The following DNAH11 variants were observed in gnomAD, a reference collection of about 807,000 sequenced individuals.
DNAH11 encodes the protein axonemal beta dynein heavy chain 11.
In DNAH11, 442 loss-of-function variants were observed where a neutral mutation model predicts 526.0. The observed-to-expected ratio is 0.84, with a 90% CI of 0.78 to 0.91. DNAH11 has a LOEUF of 0.91. Among genes scored for constraint, DNAH11 ranks in the 40% least tolerant of loss-of-function variants. The probability of loss-of-function intolerance (pLI) is 0.00; values close to 1 mark genes in which losing one functional copy is unlikely to be tolerated. For synonymous variants in DNAH11, 2,461 were observed against 1,935.9 expected, an observed-to-expected ratio of 1.27 and a Z score of -7.12; for missense variants, 6,989 against 5,448.7, an observed-to-expected ratio of 1.28 and a Z score of -8.90.
In DNAH11 at chr7:21,748,534, G is replaced by A. The variant is rs573700908; in HGVS notation, c.8511-46G>A. The A allele has an allele frequency of 5.3e-5, 75 of 1,421,770 alleles. 1 individual carries two copies. In the South Asian group the frequency reaches 5.9e-4, roughly 11 times the overall value. The allele number at this position is 1,421,770 out of a possible 1,614,324, so 88.1% of individuals were successfully genotyped here. A position where few individuals can be genotyped will look rare whatever the true frequency, so the allele number is the denominator to read the frequency against. The stretch of plus-strand genomic sequence containing the variant: ...AAATAAACAGAACAGACATAGTCCC[G>A]GGGCATTTTCGATTTTGTGCCATAA... On this transcript the variant is annotated intron_variant, in intron 51 of 81. Coordinates refer to ENST00000409508, the MANE Select transcript of DNAH11 (RefSeq NM_001277115.2).
Position 21,901,081 on chromosome 7 carries a change from ATCT to A in DNAH11, c.13380_13382del (p.Phe4461del). The A allele has an allele frequency of 1.2e-6, 2 of 1,613,876 alleles. No homozygotes were observed. Among genetic ancestry groups the A allele is most frequent in the Non-Finnish European group, 1.7e-6 (2 of 1,179,782 alleles). On this transcript the variant is annotated inframe_deletion, in exon 82 of 82. Coordinates refer to ENST00000409508, the MANE Select transcript of DNAH11 (RefSeq NM_001277115.2). Reference sequence around the variant, plus strand: ...GGAGCTGGCATGCCCTATGCCGGTCATCTTTGCAAAAGCCACCCCCGTGGACAG... The same window carrying A: ...GGAGCTGGCATGCCCTATGCCGGTCATTGCAAAAGCCACCCCCGTGGACAG...
intron 52 of DNAH11, 49 bp downstream of exon 52, chr7:21,748,791 A>T: frequency 2.6e-6 from 4 of 1,561,610 alleles, no homozygotes; most frequent in Non-Finnish European, 3.5e-6. Flanking sequence ...CTTGGCAGAT[A>T]AAGCCGAGGC....
At chr7:21,749,469 C>T (rs1457618272) in intron 52 of DNAH11, among the ~76,000 whole-genome samples, 1 of 152,124 alleles carries the variant, frequency 6.6e-6, no homozygotes, top group Non-Finnish European at 1.5e-5. Flanking sequence ...AGAAACACGA[C>T]ACTCAACCTT....
At chr7:21,880,653 T>G in intron 74 of DNAH11, 49 bp from the exon 75 acceptor site, 1 of 1,603,128 alleles carries the variant, frequency 6.2e-7, no homozygotes, top group South Asian at 1.1e-5. Flanking sequence ...CCCTTGCTCT[T>G]GGAAACCATA....
intron 50 of DNAH11, 60 bp from the exon 51 acceptor site, chr7:21,744,810 C>A: frequency 6.5e-7 from 1 of 1,543,842 alleles, no homozygotes; most frequent in Admixed American, 2.2e-5. Context: ...GCCATGCTGC[C>A]TGCAGCTGGA....
intron 61 of DNAH11, among the ~76,000 whole-genome samples, chr7:21,800,696 C>G (rs921121345): frequency 1.2e-4 from 19 of 152,134 alleles, no homozygotes; most frequent in Non-Finnish European, 2.2e-4. Context: ...ATTAACACCC[C>G]TCTTCACTGC....
intron 31 of DNAH11, among the ~76,000 whole-genome samples, chr7:21,683,246 A>AT (rs1443115520): frequency 6.6e-6 from 1 of 152,192 alleles, no homozygotes; most frequent in Admixed American, 6.5e-5. Flanking sequence ...AGAGACAGGG[A>AT]TTTTTAACTG....
At chr7:21,779,492 G>T (rs1270123438) in intron 57 of DNAH11, among the ~76,000 whole-genome samples, 1 of 152,142 alleles carries the variant, frequency 6.6e-6, no homozygotes, top group African/African-American at 2.4e-5. Flanking sequence ...CCGTCACTTT[G>T]CAAGATGGTT....
chr7:21,670,168 A>G (rs1782588262), intron 30 of DNAH11, among the ~76,000 whole-genome samples: 1 of 152,112 alleles, frequency 6.6e-6, no homozygotes, highest in African/African-American at 2.4e-5. Flanking sequence ...ACCCAAGAAC[A>G]TGGTGTATCT....
intron 30 of DNAH11, among the ~76,000 whole-genome samples, chr7:21,660,105 T>C (rs1235181557): frequency 6.6e-6 from 1 of 152,114 alleles, no homozygotes; most frequent in Non-Finnish European, 1.5e-5. Context: ...GTGCCATCTT[T>C]GCAATTCTAG....
At chr7:21,793,869 G>T (rs980934038) in intron 61 of DNAH11, among the ~76,000 whole-genome samples, 2 of 152,038 alleles carry the variant, frequency 1.3e-5, no homozygotes, top group African/African-American at 2.4e-5. Flanking sequence ...TCTACATCTT[G>T]CTCTTTTTAA....
At chr7:21,612,915 C>T (rs996406340) in intron 20 of DNAH11, among the ~76,000 whole-genome samples, 4 of 152,114 alleles carry the variant, frequency 2.6e-5, no homozygotes, top group East Asian at 1.9e-4. Context: ...GTATGATTAT[C>T]GCGAGAAATG....
At chr7:21,691,385 G>A (rs1245324774) in intron 35 of DNAH11, among the ~76,000 whole-genome samples, 2 of 151,510 alleles carry the variant, frequency 1.3e-5, no homozygotes, top group South Asian at 2.1e-4. Context: ...GGCAGCTGCT[G>A]GCTCTGTCCT....
intron 45 of DNAH11, among the ~76,000 whole-genome samples, chr7:21,731,541 C>T (rs369533798): frequency 2.8e-4 from 43 of 152,302 alleles, no homozygotes; most frequent in South Asian, 6.2e-4. Flanking sequence ...AAGCAACGTA[C>T]AGAATAATCT....
intron 25 of DNAH11, among the ~76,000 whole-genome samples, 165 bp downstream of exon 25, chr7:21,620,243 T>C (rs2128454276): frequency 6.6e-6 from 1 of 152,324 alleles, no homozygotes; most frequent in Admixed American, 6.5e-5. Context: ...TTGTGGTGAA[T>C]CACTTAAAAT....
Position 21,739,672 on chromosome 7 carries a change from A to C in DNAH11, c.7913A>C (p.Gln2638Pro), listed in dbSNP as rs1417718316. Reference protein sequence around the residue: ...VGSFTINPRLQRHFTVFAFNF... With the variant: ...VGSFTINPRLPRHFTVFAFNF... ...AGCTTCACCATCAATCCCAGGCTACAGGTAGGGTGTTGAATACTGCTCTCA... is the reference window on the plus strand; with the variant it reads ...AGCTTCACCATCAATCCCAGGCTACCGGTAGGGTGTTGAATACTGCTCTCA... The change falls in exon 48 of 82, where the codon CAG becomes CCG. Residue 2638 changes from glutamine (Q) to proline (P), a missense_variant and splice_region_variant. Physicochemically the swap from Gln to Pro is moderately conservative, Grantham distance 76. Coordinates refer to ENST00000409508, the MANE Select transcript of DNAH11 (RefSeq NM_001277115.2). 12 of 1,610,392 alleles carry C rather than the reference A, an allele frequency of 7.5e-6. No homozygotes were observed. The highest frequency in any genetic ancestry group is 9.3e-6 in the Non-Finnish European group (11 of 1,177,594).
At chr7:21,880,620 T>A in intron 74 of DNAH11, 82 bp from the exon 75 acceptor site, 1 of 1,470,262 alleles carries the variant, frequency 6.8e-7, no homozygotes, top group Non-Finnish European at 9.4e-7. Flanking sequence ...CAAAGTTCTT[T>A]ACAAGATTAT....
At chr7:21,677,251 A>G (rs1424003737) in intron 30 of DNAH11, among the ~76,000 whole-genome samples, 2 of 143,156 alleles carry the variant, frequency 1.4e-5, no homozygotes, top group Non-Finnish European at 3.0e-5. Context: ...TGGCAACCCT[A>G]TCTATGCTGG....
At chr7:21,705,417 C>T (rs1784225717) in intron 38 of DNAH11, 43 bp from the exon 39 acceptor site, 3 of 1,604,224 alleles carry the variant, frequency 1.9e-6, no homozygotes, top group Non-Finnish European at 2.6e-6. Flanking sequence ...TTTTTGTCAC[C>T]AACTCCTTAA....
Sources: gnomAD v4.1 joint callset for allele counts (sites outside exome capture counted in the v4.1 genomes callset) on GRCh38, gnomAD v4.1.1 for gene constraint, MANE v1.5 for transcripts, NCBI Gene and HGNC (gene_info 2026-07-23, HGNC 2026-07-21) for gene names.